The following SURF4 variants were observed in gnomAD, a reference collection of about 807,000 sequenced individuals.
SURF4 encodes surfeit locus protein 4.
In SURF4, 3 loss-of-function variants were observed where a neutral mutation model predicts 30.0. The observed-to-expected ratio is 0.10, with a 90% CI of 0.05 to 0.26. The LOEUF is 0.26. Among genes scored for constraint, SURF4 ranks in the 10% least tolerant of loss-of-function variants. The pLI, the probability that SURF4 is intolerant of heterozygous loss-of-function variation, is 1.00. For synonymous variants in SURF4, 143 were observed against 139.9 expected (o/e 1.02, Z -0.16); for missense variants, 217 against 350.8 (o/e 0.62, Z 3.05).
chr9:133,374,590 T>C (rs1837744102), intron 1 of SURF4, among the ~76,000 whole-genome samples: 2 of 151,744 alleles, frequency 1.3e-5, no homozygotes, highest in South Asian at 2.1e-4. Context: ...TAAAAATAAA[T>C]AAACAAATAA....
rs2130091853 is a variant in SURF4, at chr9:133,363,759, T to C, written c.544A>G (p.Ile182Val). 3.7e-5 allele frequency: 59 copies of C among 1,613,842 alleles called. No homozygotes were observed. Among genetic ancestry groups the C allele is most frequent in the Non-Finnish European group, 4.8e-5 (57 of 1,179,894 alleles). Residue 182 changes from isoleucine (I) to valine (V), a missense_variant and splice_region_variant, in exon 6 of 6, where the codon ATT becomes GTT. By Grantham distance (29) the Ile-to-Val change is conservative. Coordinates refer to ENST00000371989, the MANE Select transcript of SURF4 (RefSeq NM_033161.4). This position sits in a 1 kb window ranked among gnomAD's most constrained non-coding sequence, Gnocchi z 4.3. ...LLHFDASFFS[I>V]VQNIVGTALM... ...GCTGTGCCCACGATGTTCTGGACAA[T>C]CTGCATAGGTTGAAACGTAAGAAAT... is the stretch of plus-strand genomic sequence containing the variant.
Position 133,363,428 on chromosome 9 carries a change from A to G in SURF4, c.*65T>C, listed in dbSNP as rs184769302. On this transcript the variant is annotated 3_prime_UTR_variant, in exon 6 of 6. Coordinates refer to ENST00000371989, the MANE Select transcript of SURF4 (RefSeq NM_033161.4). This position sits in a 1 kb window ranked among gnomAD's most constrained non-coding sequence, Gnocchi z 4.3. The stretch of plus-strand genomic sequence containing the variant: ...TACATAAAAGCTGGCAGTTTTGTTG[A>G]ATCCACCCCGAACCAGTCCTTGACG... The G allele has an allele frequency of 5.2e-5, 84 of 1,613,814 alleles. No homozygotes were observed. In the African/African-American group the frequency reaches 1.1e-3, roughly 20 times the overall value.
chr9:133,368,522 T>A (rs2130160030), intron 1 of SURF4, among the ~76,000 whole-genome samples: 20 of 152,236 alleles, frequency 1.3e-4, no homozygotes, highest in South Asian at 2.1e-4. Context: ...GCGCTGGGAT[T>A]TTGTCAAAGC....
upstream of SURF4, chr9:133,376,137 G>GC: frequency 2.5e-6 from 3 of 1,206,180 alleles, no homozygotes; most frequent in Non-Finnish European, 3.1e-6. Flanking sequence ...AAGGGGCCGC[G>GC]CGCCGCCCGG....
Position 133,363,107 on chromosome 9 carries a change from G to A in SURF4, c.*386C>T, listed in dbSNP as rs1564359802. 7.4e-6 allele frequency: 3 copies of A among 403,664 alleles called. No individual in the cohort carries two copies. The highest frequency in any genetic ancestry group is 9.4e-5 in the East Asian group (2 of 21,322). The allele number at this position is 403,664 out of a possible 1,614,324, so 25.0% of individuals were successfully genotyped here. On this transcript the variant is annotated 3_prime_UTR_variant, in exon 6 of 6. Coordinates refer to ENST00000371989, the MANE Select transcript of SURF4 (RefSeq NM_033161.4). This position sits in a 1 kb window ranked among gnomAD's most constrained non-coding sequence, Gnocchi z 4.3. ...AAAAATGTAAACTTACAAATAAGAG[G>A]GAGACTGCTTTGAATGATAATACCA...
chr9:133,374,243 G>A (rs1467793967), intron 1 of SURF4, among the ~76,000 whole-genome samples: 2 of 152,106 alleles, frequency 1.3e-5, no homozygotes, highest in South Asian at 2.1e-4. Context: ...CTTTTGATAT[G>A]AATTGTTTTT....
At position 133,363,961 on chromosome 9, in the gene SURF4, G is replaced by A; in HGVS notation, c.544-202C>T. ...AATAAAGCACCAGCTTTGAAATGTG[G>A]AAGGTTTGGGGAAGACTGAAGTTCC... On this transcript the variant is annotated intron_variant, in intron 5 of 5. Transcript: ENST00000371989. The surrounding 1 kb of genome is among the most constrained non-coding windows in gnomAD (Gnocchi z 4.3). The A allele has an allele frequency of 1.4e-6, 1 of 737,996 alleles. No homozygotes were observed. Among genetic ancestry groups the A allele is most frequent in the Non-Finnish European group, 2.5e-6 (1 of 405,704 alleles). 45.7% of individuals were successfully genotyped at this position (737,996 alleles called of 1,614,324 possible). A position where few individuals can be genotyped will look rare whatever the true frequency, so the allele number is the denominator to read the frequency against.
intron 1 of SURF4, among the ~76,000 whole-genome samples, chr9:133,368,122 G>A (rs1046912068): frequency 3.5e-4 from 54 of 152,316 alleles, no homozygotes; most frequent in South Asian, 1.0e-3. Context: ...CCTAGGCTTC[G>A]CAGACCTGAT....
At position 133,363,245 on chromosome 9, in the gene SURF4, C is replaced by T. The variant is rs2130083391; in HGVS notation, c.*248G>A. On this transcript the variant is annotated 3_prime_UTR_variant, in exon 6 of 6. Transcript: ENST00000371989. The surrounding 1 kb of genome is among the most constrained non-coding windows in gnomAD (Gnocchi z 4.3). ...CGGGCTGTTCACTCCAAAGCCTCGG[C>T]GTGGGGGAGGCTTCCAGCTGCCAGG... 182 of 688,044 alleles carry T rather than the reference C, an allele frequency of 2.6e-4. No individual in the cohort carries two copies. The highest frequency in any genetic ancestry group is 4.1e-4 in the Non-Finnish European group (159 of 388,334). 42.6% of individuals were successfully genotyped at this position (688,044 alleles called of 1,614,324 possible).
upstream of SURF4, among the ~76,000 whole-genome samples, chr9:133,377,392 C>T (rs973579702): frequency 1.3e-5 from 2 of 152,214 alleles, no homozygotes; most frequent in Admixed American, 6.5e-5. Flanking sequence ...TGGCCGGGCT[C>T]GGTGGCTCAC....
intron 1 of SURF4, 113 bp from the exon 2 acceptor site, chr9:133,367,558 A>G: frequency 6.4e-7 from 1 of 1,557,856 alleles, no homozygotes; most frequent in Non-Finnish European, 8.6e-7. Context: ...GGAAGGCAAG[A>G]GCTCTTGTCA....
At position 133,367,408 on chromosome 9, in the gene SURF4, G is replaced by A. The variant is rs2130141722; in HGVS notation, c.86C>T (p.Ala29Val). Residue 29 changes from alanine (A) to valine (V), a missense_variant, in exon 2 of 6, where the codon GCG becomes GTG. By Grantham distance (64) the Ala-to-Val change is moderately conservative. Transcript: ENST00000371989. ...RVTKQYLPHV[A>V]RLCLISTFLE... Reference sequence around the variant, plus strand: ...GAAGGTGCTGATCAGACAGAGGCGCGCCACGTGGGGCAGGTACTGCTTTGT... The same window carrying A: ...GAAGGTGCTGATCAGACAGAGGCGCACCACGTGGGGCAGGTACTGCTTTGT... 6.2e-7 allele frequency: 1 copy of A among 1,614,034 alleles called. No individual in the cohort carries two copies. Among genetic ancestry groups the A allele is most frequent in the Non-Finnish European group, 8.5e-7 (1 of 1,180,038 alleles).
intron 5 of SURF4, among the ~76,000 whole-genome samples, chr9:133,364,447 T>C (rs2130102847): frequency 5.3e-5 from 8 of 152,028 alleles, no homozygotes; most frequent in Non-Finnish European, 7.4e-5. Flanking sequence ...TCCCAGCAAT[T>C]TGGGAGGCTG....
upstream of SURF4, among the ~76,000 whole-genome samples, chr9:133,377,735 T>G (rs1163066295): frequency 6.6e-6 from 1 of 152,172 alleles, no homozygotes; most frequent in Non-Finnish European, 1.5e-5. Flanking sequence ...AGACAATTTT[T>G]CCACAGATGG....
chr9:133,373,481 T>C (rs1473375310), intron 1 of SURF4, among the ~76,000 whole-genome samples: 2 of 151,944 alleles, frequency 1.3e-5, no homozygotes, highest in Non-Finnish European at 2.9e-5. Flanking sequence ...CGTGGGCCTG[T>C]CATCTCAGCT....
intron 1 of SURF4, among the ~76,000 whole-genome samples, chr9:133,373,886 C>G (rs936329765): frequency 7.8e-6 from 1 of 127,550 alleles, no homozygotes; most frequent in Admixed American, 9.1e-5. Flanking sequence ...CCATTACACT[C>G]CAGCCTGAGC....
At chr9:133,373,908 T>TAAAAAAA (rs1564369140) in intron 1 of SURF4, among the ~76,000 whole-genome samples, 2 of 15,694 alleles carry the variant, frequency 1.3e-4, no homozygotes, top group African/African-American at 2.3e-4. Context: ...AAATTCTGTC[T>TAAAAAAA]CAAAAAAAAA....
chr9:133,366,583 C>A lies in SURF4; in HGVS notation c.312+16G>T, dbSNP rs2130128254. 6.2e-7 allele frequency: 1 copy of A among 1,613,608 alleles called. No homozygotes were observed. Among genetic ancestry groups the A allele is most frequent in the Non-Finnish European group, 8.5e-7 (1 of 1,179,886 alleles). On this transcript the variant is annotated intron_variant, in intron 3 of 5. Coordinates refer to ENST00000371989, the MANE Select transcript of SURF4 (RefSeq NM_033161.4). ...AGAGCAAAGAGAAGGGAGCCCCGAC[C>A]ACGCGGCCCGTGTACCTGCAGAGCT...
At position 133,373,356 on chromosome 9, in the gene SURF4, T is replaced by A. The variant is rs2130206091; in HGVS notation, c.48+2566A>T. 2.8e-3 allele frequency among the ~76,000 whole-genome samples: 424 copies of A among 152,268 alleles called. 3 individuals carry two copies. Among genetic ancestry groups the A allele is most frequent in the African/African-American group, 9.2e-3 (384 of 41,540 alleles). On this transcript the variant is annotated intron_variant, in intron 1 of 5. Coordinates refer to ENST00000371989, the MANE Select transcript of SURF4 (RefSeq NM_033161.4). ...GCTCAGGCATGTAATCCCAGAACTT[T>A]AGGAGGCCAAGGCGGATCACCTAAG...
Sources: gnomAD v4.1 joint callset for allele counts (sites outside exome capture counted in the v4.1 genomes callset) on GRCh38, gnomAD v4.1.1 for gene constraint, Gnocchi (gnomAD v3.1) non-coding constraint, MANE v1.5 for transcripts, NCBI Gene and HGNC (gene_info 2026-07-23, HGNC 2026-07-21) for gene names.